The following ATP11A variants were observed in gnomAD, a reference collection of about 807,000 sequenced individuals.
The protein encoded by ATP11A is phospholipid-transporting ATPase IH.
ATP11A carries 81 observed loss-of-function variants against 154.4 expected under a neutral mutation model. The ratio of observed to expected loss-of-function variants is 0.52; its 90% CI spans 0.44 to 0.63. The LOEUF (loss-of-function observed/expected upper bound fraction) is 0.63. Ranked by LOEUF, ATP11A falls within the 30% of genes least tolerant of loss-of-function variation. The pLI, the probability that ATP11A is intolerant of heterozygous loss-of-function variation, is 0.00. For synonymous variants in ATP11A, 623 were observed against 585.9 expected (o/e 1.06, Z -0.91); for missense variants, 1,316 against 1,474.3 (o/e 0.89, Z 1.76).
At chr13:112,856,613 T>C (rs1157469035) in intron 20 of ATP11A, 1 of 152,416 alleles carries the variant, frequency 6.6e-6, no homozygotes, top group Admixed American at 6.5e-5. Flanking sequence ...GCCATGTTCT[T>C]GTGGGAAACG....
intron 1 of ATP11A, among the ~76,000 whole-genome samples, chr13:112,744,150 A>T (rs399569): frequency 0.23 from 34,738 of 152,130 alleles, 5,095 homozygotes; most frequent in African/African-American, 0.41. Flanking sequence ...TTAAAACAAG[A>T]AGGCAGGAGA....
At chr13:112,740,289 G>GC (rs1341938887) in intron 1 of ATP11A, among the ~76,000 whole-genome samples, 1 of 151,968 alleles carries the variant, frequency 6.6e-6, no homozygotes, top group Non-Finnish European at 1.5e-5. Context: ...TGATTCTCCT[G>GC]CCTCAGCCTC....
In ATP11A at chr13:112,734,779, T is replaced by TG. The variant is rs903048964; in HGVS notation, c.39+44331dup. 2.7e-3 allele frequency among the ~76,000 whole-genome samples: 405 copies of TG among 152,248 alleles called. 1 individual carries two copies. Among genetic ancestry groups the TG allele is most frequent in the African/African-American group, 9.3e-3 (387 of 41,554 alleles). On this transcript the variant is annotated intron_variant, in intron 1 of 29. Coordinates refer to ENST00000375645, the MANE Select transcript of ATP11A (RefSeq NM_015205.3). Reference sequence around the variant, plus strand: ...GCTCACCTGCCCTCATAGCCGCACTTGGGGGGGATCACTATGGTGCCTGGT... The same window carrying TG: ...GCTCACCTGCCCTCATAGCCGCACTTGGGGGGGGATCACTATGGTGCCTGGT...
intron 2 of ATP11A, among the ~76,000 whole-genome samples, chr13:112,792,708 C>T (rs764811224): frequency 5.3e-5 from 8 of 152,194 alleles, no homozygotes; most frequent in South Asian, 2.1e-4. Flanking sequence ...CAGCACGCCC[C>T]GTTCCCTGCT....
chr13:112,733,539 A>T (rs1053928119), intron 1 of ATP11A, among the ~76,000 whole-genome samples: 2 of 152,222 alleles, frequency 1.3e-5, no homozygotes, highest in Admixed American at 6.5e-5. Flanking sequence ...TGTTGAGCCT[A>T]GTTCTATTGT....
At chr13:112,751,842 G>A (rs2076700799) in intron 1 of ATP11A, among the ~76,000 whole-genome samples, 1 of 152,126 alleles carries the variant, frequency 6.6e-6, no homozygotes, top group Non-Finnish European at 1.5e-5. Flanking sequence ...GCCTCAGAGT[G>A]CTGGGACTAC....
intron 1 of ATP11A, among the ~76,000 whole-genome samples, chr13:112,722,229 A>G (rs1889283362): frequency 7.7e-6 from 1 of 130,100 alleles, no homozygotes; most frequent in Non-Finnish European, 1.6e-5. Context: ...TCATTGTACA[A>G]TGGTTTTGCC....
intron 1 of ATP11A, among the ~76,000 whole-genome samples, chr13:112,716,760 C>T (rs567459516): frequency 4.9e-4 from 74 of 152,270 alleles, no homozygotes; most frequent in African/African-American, 1.6e-3. Context: ...GGGGGCTCTG[C>T]GTGAGTGGGG....
intron 7 of ATP11A, 28 bp from the exon 8 acceptor site, chr13:112,819,872 G>C: frequency 6.2e-7 from 1 of 1,613,990 alleles, no homozygotes; most frequent in Non-Finnish European, 8.5e-7. Context: ...GGCGCGTCCG[G>C]TCAGTAACGT....
intron 5 of ATP11A, among the ~76,000 whole-genome samples, chr13:112,812,641 C>T (rs531761376): frequency 6.6e-6 from 1 of 152,268 alleles, no homozygotes; most frequent in East Asian, 1.9e-4. Flanking sequence ...CACTAACCCC[C>T]CACCGCTCAC....
At chr13:112,766,062 C>T (rs1371321552) in intron 1 of ATP11A, among the ~76,000 whole-genome samples, 1 of 152,148 alleles carries the variant, frequency 6.6e-6, no homozygotes, top group Admixed American at 6.5e-5. Context: ...ATTGACGCAG[C>T]GTTTTCCGAT....
At chr13:112,763,519 C>T (rs1444685615) in intron 1 of ATP11A, among the ~76,000 whole-genome samples, 1 of 152,190 alleles carries the variant, frequency 6.6e-6, no homozygotes. Flanking sequence ...ACAGCTGTCT[C>T]TTGTGGGGGA....
At chr13:112,824,945 G>A (rs1183992058) in intron 10 of ATP11A, among the ~76,000 whole-genome samples, 1 of 152,226 alleles carries the variant, frequency 6.6e-6, no homozygotes, top group Non-Finnish European at 1.5e-5. Context: ...TTAAGGATCT[G>A]TGCTTTTCCT....
At chr13:112,777,819 C>G (rs1170622433) in intron 1 of ATP11A, among the ~76,000 whole-genome samples, 2 of 152,030 alleles carry the variant, frequency 1.3e-5, no homozygotes, top group Non-Finnish European at 2.9e-5. Flanking sequence ...CCCCCGTGGG[C>G]TCCATGCAGC....
rs115461733 is a variant in ATP11A, at chr13:112,812,599, C to T, written c.441+1873C>T. Among the ~76,000 whole-genome samples the T allele has an allele frequency of 8.8e-3, 1,345 of 152,360 alleles. 16 individuals are homozygous for T. Among genetic ancestry groups the T allele is most frequent in the African/African-American group, 0.031 (1,303 of 41,586 alleles). Reference sequence around the variant, plus strand: ...CAGTGGGACGGGACCCCAGGAGGCACTCAGAGGCCCTTCAGAGGAGCCAGC... The same window carrying T: ...CAGTGGGACGGGACCCCAGGAGGCATTCAGAGGCCCTTCAGAGGAGCCAGC... On this transcript the variant is annotated intron_variant, in intron 5 of 29. Coordinates refer to ENST00000375645, the MANE Select transcript of ATP11A (RefSeq NM_015205.3).
At chr13:112,691,130 A>T (rs891066674) in intron 1 of ATP11A, among the ~76,000 whole-genome samples, 8 of 152,102 alleles carry the variant, frequency 5.3e-5, no homozygotes, top group African/African-American at 1.9e-4. Context: ...TTTGTTTTAC[A>T]CCAGAGGAGG....
At chr13:112,809,020 C>T (rs2078410554) in intron 4 of ATP11A, among the ~76,000 whole-genome samples, 1 of 152,222 alleles carries the variant, frequency 6.6e-6, no homozygotes, top group South Asian at 2.1e-4. Flanking sequence ...GTGTCTCTCA[C>T]CTGCATTGAA....
At chr13:112,846,506 G>C (rs1289586578) in intron 17 of ATP11A, among the ~76,000 whole-genome samples, 2 of 152,170 alleles carry the variant, frequency 1.3e-5, no homozygotes, top group Non-Finnish European at 2.9e-5. Flanking sequence ...TTAACATGGG[G>C]CGTGTGTGAT....
chr13:112,805,710 GA>G (rs1183893500), intron 3 of ATP11A, among the ~76,000 whole-genome samples: 2 of 143,848 alleles, frequency 1.4e-5, no homozygotes, highest in East Asian at 4.0e-4. Flanking sequence ...AAGAAAGAAA[GA>G]AAATCCAAAG....
Sources: gnomAD v4.1 joint callset for allele counts (sites outside exome capture counted in the v4.1 genomes callset) on GRCh38, gnomAD v4.1.1 for gene constraint, MANE v1.5 for transcripts, NCBI Gene and HGNC (gene_info 2026-07-23, HGNC 2026-07-21) for gene names.